NIPAL2: variants seen among roughly 807,000 people sequenced by gnomAD.
NIPAL2 encodes NIPA-like protein 2.
NIPAL2 carries 43 observed loss-of-function variants against 48.9 expected under a neutral mutation model. That is an observed-to-expected ratio of 0.88 (90% CI 0.69 to 1.13). NIPAL2 has a LOEUF of 1.13. Ranked by LOEUF, NIPAL2 falls within the 50% of genes most tolerant of loss-of-function variation. NIPAL2 has a pLI of 0.00. For synonymous variants in NIPAL2, 167 were observed against 174.6 expected, an observed-to-expected ratio of 0.96 and a Z score of 0.34; for missense variants, 446 against 461.4, an observed-to-expected ratio of 0.97 and a Z score of 0.31.
intron 4 of NIPAL2, among the ~76,000 whole-genome samples, chr8:98,225,730 T>C (rs1346355892): frequency 6.6e-6 from 1 of 152,210 alleles, no homozygotes; most frequent in Non-Finnish European, 1.5e-5. Context: ...TTGTACCTTC[T>C]TGTACATGAA....
At position 98,252,519 on chromosome 8, in the gene NIPAL2, G is replaced by C; in HGVS notation, c.320C>G (p.Ala107Gly). The C allele has an allele frequency of 1.2e-6, 2 of 1,614,052 alleles. No homozygotes were observed. The highest frequency in any genetic ancestry group is 1.7e-6 in the Non-Finnish European group (2 of 1,179,996). ...CAGAGTAATGGGAGCAAATCCATAG[G>C]CTGCAAAGTTCCCCGTCTCTCCCAC... ...MAVGETGNFA[A>G]YGFAPITLIA... Residue 107 changes from alanine (A) to glycine (G), a missense_variant, in exon 3 of 11, where the codon GCC becomes GGC. Coordinates refer to ENST00000430223, the MANE Select transcript of NIPAL2 (RefSeq NM_001321635.2).
At chr8:98,236,309 C>T in intron 3 of NIPAL2, 95 bp from the exon 4 acceptor site, 1 of 794,844 alleles carries the variant, frequency 1.3e-6, no homozygotes. Context: ...TGCCTTATGC[C>T]TGATGAGCTA....
At chr8:98,194,894 A>T in intron 9 of NIPAL2, 72 bp from the exon 10 acceptor site, 2 of 813,320 alleles carry the variant, frequency 2.5e-6, no homozygotes, top group Non-Finnish European at 3.7e-6. Context: ...ACTGAGCTCC[A>T]TATTCTACAT....
At chr8:98,284,438 AC>A (rs1816041439) in intron 1 of NIPAL2, among the ~76,000 whole-genome samples, 1 of 151,852 alleles carries the variant, frequency 6.6e-6, no homozygotes, top group Non-Finnish European at 1.5e-5. Context: ...ACACACACAC[AC>A]ACATACACAC....
At position 98,195,893 on chromosome 8, in the gene NIPAL2, G is replaced by A. The variant is rs760338144; in HGVS notation, c.944+49C>T. ...TCCGGTACAATGCCGAAAATCCTACGTAAAAGTAATAGAATTTCACATGCT... is the reference window on the plus strand; with the variant it reads ...TCCGGTACAATGCCGAAAATCCTACATAAAAGTAATAGAATTTCACATGCT... On this transcript the variant is annotated intron_variant, in intron 9 of 10. Transcript: ENST00000430223. 2.4e-5 allele frequency: 32 copies of A among 1,342,728 alleles called. No individual in the cohort carries two copies. In the South Asian group the frequency reaches 3.0e-4, roughly 13 times the overall value. 83.2% of individuals were successfully genotyped at this position (1,342,728 alleles called of 1,614,324 possible).
At chr8:98,212,641 A>C (rs1811376506) in intron 5 of NIPAL2, 140 bp from the exon 6 acceptor site, 1 of 556,588 alleles carries the variant, frequency 1.8e-6, no homozygotes, top group Middle Eastern at 4.9e-4. Flanking sequence ...ACAGGAGAGC[A>C]GTATAAGCAC....
chr8:98,247,688 G>A (rs1422949902), intron 3 of NIPAL2, among the ~76,000 whole-genome samples: 1 of 152,152 alleles, frequency 6.6e-6, no homozygotes, highest in Non-Finnish European at 1.5e-5. Flanking sequence ...TCACAAAACG[G>A]CACCACACAG....
chr8:98,251,345 A>T (rs892782964), intron 3 of NIPAL2, among the ~76,000 whole-genome samples: 1 of 152,196 alleles, frequency 6.6e-6, no homozygotes, highest in Non-Finnish European at 1.5e-5. Flanking sequence ...TTTTGAAAAC[A>T]TAAAACGTCT....
At chr8:98,242,585 G>A (rs2923786) in intron 3 of NIPAL2, among the ~76,000 whole-genome samples, 129,012 of 150,532 alleles carry the variant, frequency 0.86, 55,685 homozygotes, top group Non-Finnish European at 0.9. Context: ...TCCCAAGTTC[G>A]AGCGATTCTC....
Position 98,233,619 on chromosome 8 carries a change from G to A in NIPAL2, c.436+2536C>T, listed in dbSNP as rs139049378. Among the ~76,000 whole-genome samples, 1,414 of 152,308 alleles carry A rather than the reference G, an allele frequency of 9.3e-3. 9 individuals are homozygous for A. Among genetic ancestry groups the A allele is most frequent in the Non-Finnish European group, 0.013 (898 of 68,022 alleles). ...GAGTTGAATCCAGATCTGAAGTTAT[G>A]AGAGTCAGTTTAATTTAGATCCTTT... On this transcript the variant is annotated intron_variant, in intron 4 of 10. Coordinates refer to ENST00000430223, the MANE Select transcript of NIPAL2 (RefSeq NM_001321635.2).
chr8:98,293,860 T>C (rs1816622467), intron 1 of NIPAL2, 143 bp downstream of exon 1: 3 of 760,214 alleles, frequency 3.9e-6, no homozygotes, highest in East Asian at 7.1e-5. Flanking sequence ...GCGGGAAACA[T>C]TGCATGTCAC....
At chr8:98,245,255 T>C (rs1283745322) in intron 3 of NIPAL2, among the ~76,000 whole-genome samples, 3 of 152,222 alleles carry the variant, frequency 2.0e-5, no homozygotes, top group Non-Finnish European at 4.4e-5. Flanking sequence ...CAGAGTCAAC[T>C]CTAACCATAT....
intron 6 of NIPAL2, among the ~76,000 whole-genome samples, chr8:98,209,107 A>G (rs1811182248): frequency 6.6e-6 from 1 of 152,200 alleles, no homozygotes; most frequent in Non-Finnish European, 1.5e-5. Context: ...AATTTCTTAA[A>G]GAATCCTTCT....
At chr8:98,232,310 A>G (rs1812477085) in intron 4 of NIPAL2, among the ~76,000 whole-genome samples, 1 of 152,214 alleles carries the variant, frequency 6.6e-6, no homozygotes, top group African/African-American at 2.4e-5. Context: ...GTGACTTATG[A>G]GTTACATAGC....
At chr8:98,245,539 C>T (rs754629106) in intron 3 of NIPAL2, among the ~76,000 whole-genome samples, 42 of 152,236 alleles carry the variant, frequency 2.8e-4, no homozygotes, top group Non-Finnish European at 5.0e-4. Flanking sequence ...TAATTTCAAA[C>T]GAGGGAACTT....
At chr8:98,201,771 A>T (rs1240002595) in intron 8 of NIPAL2, among the ~76,000 whole-genome samples, 1 of 152,238 alleles carries the variant, frequency 6.6e-6, no homozygotes, top group Admixed American at 6.5e-5. Flanking sequence ...AATACTAAAA[A>T]ATTAGATGTC....
intron 3 of NIPAL2, among the ~76,000 whole-genome samples, chr8:98,237,832 C>T (rs1812794559): frequency 6.6e-6 from 1 of 152,194 alleles, no homozygotes; most frequent in Admixed American, 6.5e-5. Flanking sequence ...CCCTTATGCT[C>T]TGATTACCCC....
intron 5 of NIPAL2, among the ~76,000 whole-genome samples, chr8:98,219,938 A>T (rs1296440588): frequency 6.6e-6 from 1 of 152,216 alleles, no homozygotes; most frequent in African/African-American, 2.4e-5. Context: ...GGAGCTAAGG[A>T]AGTGGACAGG....
intron 3 of NIPAL2, among the ~76,000 whole-genome samples, chr8:98,249,129 C>T (rs1813438891): frequency 6.6e-6 from 1 of 152,154 alleles, no homozygotes; most frequent in Non-Finnish European, 1.5e-5. Context: ...ATCTGCCCCT[C>T]AAAGATTCAT....
Sources: allele counts gnomAD v4.1 joint callset (sites outside exome capture counted in the v4.1 genomes callset), GRCh38; gene constraint gnomAD v4.1.1; transcripts MANE v1.5; gene names NCBI Gene and HGNC (gene_info 2026-07-23, HGNC 2026-07-21).